MAML2: variants seen among roughly 807,000 people sequenced by gnomAD.
MAML2 encodes the protein mastermind like transcriptional coactivator 2, also known as mastermind-like protein 2.
Under a neutral mutation model 96.1 loss-of-function variants are expected in MAML2, and 22 were observed. That is an observed-to-expected ratio of 0.23 (90% CI 0.16 to 0.33). MAML2 has a LOEUF of 0.33. Ranked by LOEUF, MAML2 falls within the 10% of genes least tolerant of loss-of-function variation. The pLI is 1.00. For missense variants in MAML2, 1,367 were observed against 1,392.4 expected (o/e 0.98, Z 0.29); for synonymous variants, 561 against 521.3 (o/e 1.08, Z -1.04).
At chr11:96,134,613 T>G (rs147887774) in intron 1 of MAML2, among the ~76,000 whole-genome samples, 2,332 of 152,350 alleles carry the variant, frequency 0.015, 23 homozygotes, top group Middle Eastern at 0.058. Context: ...CTTCTTTCCT[T>G]CAAATTCTAT....
chr11:96,248,744 A>G (rs1168809411), intron 1 of MAML2, among the ~76,000 whole-genome samples: 1 of 152,128 alleles, frequency 6.6e-6, no homozygotes, highest in Non-Finnish European at 1.5e-5. Flanking sequence ...TTATTTCTTT[A>G]TACTAGAACT....
At chr11:96,230,459 T>C (rs935789472) in intron 1 of MAML2, among the ~76,000 whole-genome samples, 40 of 152,318 alleles carry the variant, frequency 2.6e-4, no homozygotes, top group Admixed American at 2.5e-3. Flanking sequence ...TGTAGGCAAA[T>C]GAAGCAGCTG....
chr11:96,059,482 A>C (rs1305728796), intron 2 of MAML2, among the ~76,000 whole-genome samples: 1 of 152,242 alleles, frequency 6.6e-6, no homozygotes, highest in African/African-American at 2.4e-5. Flanking sequence ...TGAGGAAAAC[A>C]GAAAGAAGTC....
chr11:96,186,636 T>C (rs1861579521), intron 1 of MAML2, among the ~76,000 whole-genome samples: 1 of 152,228 alleles, frequency 6.6e-6, no homozygotes, highest in African/African-American at 2.4e-5. Context: ...GATAATTATT[T>C]TGTGAATGTT....
chr11:95,979,997 G>A (rs1299037767), intron 4 of MAML2, 34 bp from the exon 5 acceptor site: 16 of 1,548,686 alleles, frequency 1.0e-5, no homozygotes, highest in Middle Eastern at 3.4e-4. Flanking sequence ...TTAGTTCGTA[G>A]CAGCATGTTA....
intron 1 of MAML2, among the ~76,000 whole-genome samples, chr11:96,121,950 C>CTTTTTTTTTTTTTTTTTTT (rs71040130): frequency 1.6e-4 from 9 of 56,848 alleles, no homozygotes; most frequent in African/African-American, 3.2e-4. Flanking sequence ...CCACGCCCGG[C>CTTTTTTTTTTTTTTTTTTT]TTTTTTTTTT....
chr11:96,286,518 G>A (rs2135989199), intron 1 of MAML2, among the ~76,000 whole-genome samples: 1 of 152,056 alleles, frequency 6.6e-6, no homozygotes, highest in African/African-American at 2.4e-5. Flanking sequence ...CCCACTAGGG[G>A]AAAAAGAGAT....
chr11:96,037,203 A>T (rs4753714), intron 2 of MAML2, among the ~76,000 whole-genome samples: 1 of 148,940 alleles, frequency 6.7e-6, no homozygotes, highest in Non-Finnish European at 1.5e-5. Flanking sequence ...AAACAACAAC[A>T]ACAAAAAAAA....
At chr11:96,264,420 A>G (rs1179378750) in intron 1 of MAML2, among the ~76,000 whole-genome samples, 1 of 152,148 alleles carries the variant, frequency 6.6e-6, no homozygotes, top group African/African-American at 2.4e-5. Context: ...GGCAAAAATA[A>G]CCCATTTGAA....
chr11:96,085,168 A>ATG (rs36001457), intron 2 of MAML2, among the ~76,000 whole-genome samples: 12,548 of 150,464 alleles, frequency 0.083, 1,372 homozygotes, highest in African/African-American at 0.25. Context: ...GGCTATGCGT[A>ATG]TGTGTGTGTG....
chr11:96,058,864 T>C (rs16912652), intron 2 of MAML2, among the ~76,000 whole-genome samples: 2,035 of 152,290 alleles, frequency 0.013, 45 homozygotes, highest in African/African-American at 0.046. Context: ...TGCTACTATC[T>C]TATTTTAAAG....
intron 1 of MAML2, among the ~76,000 whole-genome samples, chr11:96,322,724 G>A (rs1863723576): frequency 6.6e-6 from 1 of 152,176 alleles, no homozygotes; most frequent in South Asian, 2.1e-4. Flanking sequence ...TGCCTAGATA[G>A]ATAACAAAAT....
intron 1 of MAML2, among the ~76,000 whole-genome samples, chr11:96,271,054 C>T (rs916548720): frequency 6.6e-6 from 1 of 152,194 alleles, no homozygotes; most frequent in African/African-American, 2.4e-5. Flanking sequence ...TTTAGCTTCT[C>T]GACTCTTGGA....
At chr11:96,070,000 G>A (rs570737461) in intron 2 of MAML2, among the ~76,000 whole-genome samples, 2 of 151,806 alleles carry the variant, frequency 1.3e-5, no homozygotes, top group East Asian at 1.9e-4. Context: ...CTCCAGCCTG[G>A]TGACAGAGTG....
chr11:96,260,787 T>C (rs1269076892), intron 1 of MAML2, among the ~76,000 whole-genome samples: 1 of 139,182 alleles, frequency 7.2e-6, no homozygotes, highest in Non-Finnish European at 1.6e-5. Flanking sequence ...TTTTCTGTTA[T>C]TTGCAGGCAA....
At chr11:96,167,700 C>T (rs891824926) in intron 1 of MAML2, among the ~76,000 whole-genome samples, 2 of 152,172 alleles carry the variant, frequency 1.3e-5, no homozygotes, top group Non-Finnish European at 2.9e-5. Flanking sequence ...TCTTCAATAC[C>T]AGCTGCAATG....
chr11:96,204,888 T>C (rs1043958699), intron 1 of MAML2, among the ~76,000 whole-genome samples: 2 of 152,246 alleles, frequency 1.3e-5, no homozygotes, highest in Admixed American at 6.5e-5. Flanking sequence ...ATTGCTCTAC[T>C]ACATTTCATT....
intron 2 of MAML2, among the ~76,000 whole-genome samples, chr11:95,999,948 A>G (rs959542565): frequency 1.3e-5 from 2 of 152,066 alleles, no homozygotes. Context: ...TAACTGCTCA[A>G]CTGTTCCTCT....
intron 1 of MAML2, among the ~76,000 whole-genome samples, chr11:96,238,402 G>A (rs907320786): frequency 3.3e-5 from 5 of 152,174 alleles, no homozygotes; most frequent in Non-Finnish European, 5.9e-5. Flanking sequence ...TTTTCCTTAA[G>A]TGGCTAACCT....
Sources: gnomAD v4.1 joint callset for allele counts (sites outside exome capture counted in the v4.1 genomes callset) on GRCh38, gnomAD v4.1.1 for gene constraint, MANE v1.5 for transcripts, NCBI Gene and HGNC (gene_info 2026-07-23, HGNC 2026-07-21) for gene names.